The following PFKFB3 variants were observed in gnomAD, a reference collection of about 807,000 sequenced individuals.
PFKFB3 encodes the protein 6-phosphofructo-2-kinase/fructose-2,6-bisphosphatase 3.
Under a neutral mutation model 68.0 loss-of-function variants are expected in PFKFB3, and 33 were observed. The ratio of observed to expected loss-of-function variants is 0.49; its 90% confidence interval spans 0.37 to 0.65. The LOEUF is 0.65. PFKFB3 is among the 30% of genes least tolerant of loss of function. The pLI is 0.00. For synonymous variants in PFKFB3, 315 were observed against 288.2 expected, an observed-to-expected ratio of 1.09 and a Z score of -0.94; for missense variants, 586 against 712.2, an observed-to-expected ratio of 0.82 and a Z score of 2.02.
intron 1 of PFKFB3, among the ~76,000 whole-genome samples, chr10:6,186,101 G>C (rs1290692605): frequency 6.6e-6 from 1 of 152,154 alleles, no homozygotes; most frequent in East Asian, 1.9e-4. Flanking sequence ...GGTGTTTTCG[G>C]TGGTATATGA....
intron 1 of PFKFB3, among the ~76,000 whole-genome samples, chr10:6,183,692 T>A (rs187261981): frequency 0.02 from 2,905 of 145,260 alleles, 50 homozygotes; most frequent in Non-Finnish European, 0.029. Flanking sequence ...ATTTTTTTTT[T>A]AATTTTTTTT....
At chr10:6,273,799 T>C in the PFKFB3 span, among the ~76,000 whole-genome samples, 2 of 152,172 alleles carry the variant, frequency 1.3e-5, no homozygotes, top group African/African-American at 2.4e-5. Context: ...TGAAGACAGC[T>C]GACTACAGGT....
intron 1 of PFKFB3, among the ~76,000 whole-genome samples, chr10:6,169,665 G>A (rs953756690): frequency 4.6e-5 from 7 of 152,078 alleles, no homozygotes; most frequent in African/African-American, 1.7e-4. Context: ...ATGTATCCTG[G>A]GCTCTCTAGA....
exon 1 of PFKFB3, chr10:6,145,000 G>C: frequency 7.5e-7 from 1 of 1,330,570 alleles, no homozygotes; most frequent in East Asian, 3.1e-5. Flanking sequence ...CCGGCGCGAT[G>C]CCCTTCAGGA....
chr10:6,206,367 A>G (rs187986053), intron 1 of PFKFB3, among the ~76,000 whole-genome samples: 3,002 of 114,956 alleles, frequency 0.026, 75 homozygotes, highest in Middle Eastern at 0.041. Flanking sequence ...ACACAGACAC[A>G]GCAACCATCC....
intron 14 of PFKFB3, 79 bp downstream of exon 14, chr10:6,226,444 T>C (rs148096503): frequency 9.1e-6 from 13 of 1,428,654 alleles, no homozygotes; most frequent in African/African-American, 2.8e-5. Flanking sequence ...TGCGTGCGTG[T>C]GTGTTTGCAA....
At chr10:6,248,752 A>C (rs1846313310) in intron 14 of PFKFB3, among the ~76,000 whole-genome samples, 1 of 152,168 alleles carries the variant, frequency 6.6e-6, no homozygotes, top group Admixed American at 6.5e-5. Flanking sequence ...TTAATGCGTC[A>C]TTAATGCATT....
upstream of PFKFB3, among the ~76,000 whole-genome samples, chr10:6,200,668 G>GCC (rs1564613442): frequency 1.5e-5 from 2 of 135,556 alleles, no homozygotes; most frequent in Admixed American, 1.4e-4. Context: ...GCGGGGGGGG[G>GCC]GGGGGGGCGG....
intron 1 of PFKFB3, among the ~76,000 whole-genome samples, chr10:6,162,087 G>A (rs1841989592): frequency 1.3e-5 from 2 of 152,132 alleles, no homozygotes; most frequent in Admixed American, 1.3e-4. Flanking sequence ...CATTCTTTCT[G>A]TCTCTGAATC....
intron 14 of PFKFB3, among the ~76,000 whole-genome samples, chr10:6,246,292 T>G (rs1377744987): frequency 6.6e-6 from 1 of 151,856 alleles, no homozygotes; most frequent in Non-Finnish European, 1.5e-5. Context: ...TATTTATTTT[T>G]TTCTTGATGT....
At chr10:6,254,276 A>G in exon 15 of PFKFB3, 2 of 398,612 alleles carry the variant, frequency 5.0e-6, no homozygotes, top group Non-Finnish European at 4.4e-6. Flanking sequence ...TGACCGTGGC[A>G]TCCAGGAGTG....
At chr10:6,160,718 C>CAAAAAAAAAAAAAAA (rs538580465) in intron 1 of PFKFB3, among the ~76,000 whole-genome samples, 1 of 78,684 alleles carries the variant, frequency 1.3e-5, no homozygotes, top group African/African-American at 5.3e-5. Flanking sequence ...GACTCTGTCT[C>CAAAAAAAAAAAAAAA]AAAAAAAAAA....
intron 1 of PFKFB3, among the ~76,000 whole-genome samples, chr10:6,161,245 CT>C (rs1489584746): frequency 1.3e-5 from 2 of 152,064 alleles, no homozygotes; most frequent in Non-Finnish European, 2.9e-5. Context: ...CTCATTTGGC[CT>C]CTTCTTTCTG....
rs1426974685 is a variant in PFKFB3, at chr10:6,228,247, C to T, written c.1515+1882C>T. 3.7e-6 allele frequency: 6 copies of T among 1,611,800 alleles called. No individual in the cohort carries two copies. Among genetic ancestry groups the T allele is most frequent in the Non-Finnish European group, 5.1e-6 (6 of 1,179,160 alleles). ...AGTATCTCTCCGATCATCGCTGCTG[C>T]TTGCACTGCTTTCTTCCTGCTTGCT... On this transcript the variant is annotated intron_variant, in intron 14 of 14. Transcript: ENST00000379775. The surrounding 1 kb of genome is among the most constrained non-coding windows in gnomAD (Gnocchi z 4.5).
intron 1 of PFKFB3, among the ~76,000 whole-genome samples, chr10:6,160,288 A>C (rs1841933608): frequency 6.6e-6 from 1 of 152,162 alleles, no homozygotes; most frequent in Admixed American, 6.6e-5. Flanking sequence ...TATTAAACAA[A>C]CAAATACAAA....
intron 14 of PFKFB3, among the ~76,000 whole-genome samples, chr10:6,232,251 G>T (rs1466402736): frequency 6.6e-6 from 1 of 151,674 alleles, no homozygotes; most frequent in African/African-American, 2.4e-5. Context: ...TTTTTGCGGG[G>T]GGTGGGTGGC....
At chr10:6,190,889 G>A (rs1275860922) in intron 1 of PFKFB3, among the ~76,000 whole-genome samples, 3 of 152,076 alleles carry the variant, frequency 2.0e-5, no homozygotes, top group Non-Finnish European at 2.9e-5. Context: ...AGGAATTCTG[G>A]TGCCTCAGCC....
intron 1 of PFKFB3, among the ~76,000 whole-genome samples, chr10:6,145,398 C>CGG (rs1554838441): frequency 6.6e-6 from 1 of 151,562 alleles, no homozygotes; most frequent in African/African-American, 2.4e-5. Flanking sequence ...TCTGGCGACT[C>CGG]CGGCCGCCAC....
At chr10:6,266,742 T>C in the PFKFB3 span, among the ~76,000 whole-genome samples, 1 of 152,226 alleles carries the variant, frequency 6.6e-6, no homozygotes, top group African/African-American at 2.4e-5. Flanking sequence ...CCAAGTAAAA[T>C]GTAGGACTCC....
Sources: allele counts gnomAD v4.1 joint callset (sites outside exome capture counted in the v4.1 genomes callset), GRCh38; gene constraint gnomAD v4.1.1; non-coding constraint Gnocchi (gnomAD v3.1); transcripts MANE v1.5; gene names NCBI Gene and HGNC (gene_info 2026-07-23, HGNC 2026-07-21).